The following ESRRB variants were observed in gnomAD, a reference collection of about 807,000 sequenced individuals.
ESRRB encodes estrogen related receptor beta, also known as steroid hormone receptor ERR2.
A neutral mutation model predicts 46.0 loss-of-function variants in ESRRB; 16 were observed. The ratio of observed to expected loss-of-function variants is 0.35; its 90% CI spans 0.24 to 0.53. ESRRB has a LOEUF of 0.53. Ranked by LOEUF, ESRRB falls within the 20% of genes least tolerant of loss-of-function variation. ESRRB has a pLI of 0.93. For synonymous variants in ESRRB, 246 were observed against 259.6 expected (o/e 0.95, Z 0.50); for missense variants, 488 against 607.4 (o/e 0.80, Z 2.07).
At chr14:76,469,528 T>C (rs1889267603) in intron 3 of ESRRB, among the ~76,000 whole-genome samples, 1 of 152,232 alleles carries the variant, frequency 6.6e-6, no homozygotes, top group African/African-American at 2.4e-5. Context: ...ATTAAATTTA[T>C]TTTTTAACTT....
intron 2 of ESRRB, among the ~76,000 whole-genome samples, chr14:76,440,557 ATTCC>A (rs57824686): frequency 6.6e-6 from 1 of 150,944 alleles, no homozygotes; most frequent in Non-Finnish European, 1.5e-5. Context: ...ACCTTCCTTC[ATTCC>A]TTCCTTCCTT....
At chr14:76,377,301 C>T (rs553946597) in intron 1 of ESRRB, among the ~76,000 whole-genome samples, 2 of 152,302 alleles carry the variant, frequency 1.3e-5, no homozygotes, top group Admixed American at 1.3e-4. Flanking sequence ...GCCTAAGCAG[C>T]GGGTGGTCAA....
chr14:76,482,779 G>A lies in ESRRB; in HGVS notation c.850+20G>A. 6 of 1,613,402 alleles carry A rather than the reference G, an allele frequency of 3.7e-6. No homozygotes were observed. The highest frequency in any genetic ancestry group is 4.2e-6 in the Non-Finnish European group (5 of 1,179,914). On this transcript the variant is annotated intron_variant, in intron 5 of 6. Coordinates refer to ENST00000644823, the MANE Select transcript of ESRRB (RefSeq NM_001379180.1). The surrounding 1 kb of genome is among the most constrained non-coding windows in gnomAD (Gnocchi z 4.3). The stretch of plus-strand genomic sequence containing the variant: ...TCCCAGGTGAGCATGTGGGACCAGG[G>A]GAGAGTGTGGCCAGGGACTCTCAGC...
At chr14:76,324,963 C>CTTTTTTTTTTCTTTTTTTTT (rs1883910658) in intron 1 of ESRRB, among the ~76,000 whole-genome samples, 1 of 102,212 alleles carries the variant, frequency 9.8e-6, no homozygotes, top group Non-Finnish European at 2.0e-5. Flanking sequence ...TTTTCTTTTT[C>CTTTTTTTTTTCTTTTTTTTT]TTTTTTTTTT....
chr14:76,332,360 A>G (rs1884023384), intron 1 of ESRRB, among the ~76,000 whole-genome samples: 2 of 144,258 alleles, frequency 1.4e-5, no homozygotes, highest in South Asian at 2.1e-4. Flanking sequence ...GTGCAGTGGC[A>G]CAATCAAAGC....
intron 1 of ESRRB, among the ~76,000 whole-genome samples, chr14:76,408,863 T>G (rs1484292111): frequency 6.6e-6 from 1 of 152,154 alleles, no homozygotes; most frequent in Non-Finnish European, 1.5e-5. Flanking sequence ...TCACTTCCAT[T>G]GAGCGCTTCA....
intron 2 of ESRRB, among the ~76,000 whole-genome samples, chr14:76,460,759 T>C (rs953442342): frequency 3.4e-5 from 5 of 146,470 alleles, no homozygotes; most frequent in Non-Finnish European, 7.4e-5. Flanking sequence ...TGGAGTGCAA[T>C]GGCGCAATCT....
At chr14:76,364,414 C>T (rs1233554291) in intron 1 of ESRRB, among the ~76,000 whole-genome samples, 3 of 152,072 alleles carry the variant, frequency 2.0e-5, no homozygotes, top group Admixed American at 1.3e-4. Flanking sequence ...AGGGGCCAGG[C>T]GCAGTGGCTC....
rs565496100 is a variant in ESRRB, at chr14:76,491,939, C to T, written c.1120+223C>T. Among the ~76,000 whole-genome samples the T allele has an allele frequency of 9.8e-5, 15 of 152,332 alleles. No individual in the cohort carries two copies. The East Asian group carries it at 2.7e-3, about 27-fold the overall frequency. ...GAGCATTTCCTAAGCCTCAGACATC[C>T]AGACTGGCACACTGGCTAAGGACAT... On this transcript the variant is annotated intron_variant, in intron 6 of 6. Transcript: ENST00000644823.
chr14:76,400,624 G>A (rs190043125), intron 1 of ESRRB, among the ~76,000 whole-genome samples: 13 of 152,312 alleles, frequency 8.5e-5, no homozygotes, highest in African/African-American at 1.9e-4. Flanking sequence ...GGTGGTGAAC[G>A]GGAGTGGGAA....
At position 76,482,206 on chromosome 14, in the gene ESRRB, T is replaced by C; in HGVS notation, c.688+80T>C. 2.9e-6 allele frequency: 3 copies of C among 1,030,712 alleles called. No individual in the cohort carries two copies. Among genetic ancestry groups the C allele is most frequent in the Non-Finnish European group, 4.5e-6 (3 of 661,478 alleles). 63.8% of individuals were successfully genotyped at this position (1,030,712 alleles called of 1,614,324 possible). ...AGGCATCCCTTAGGGAAACATCATC[T>C]TCCCACCACTGGGTCATGAGACAAT... On this transcript the variant is annotated intron_variant, in intron 4 of 6. Coordinates refer to ENST00000644823, the MANE Select transcript of ESRRB (RefSeq NM_001379180.1). This position sits in a 1 kb window ranked among gnomAD's most constrained non-coding sequence, Gnocchi z 4.3.
intron 1 of ESRRB, among the ~76,000 whole-genome samples, chr14:76,352,036 G>C (rs1461830278): frequency 6.7e-6 from 1 of 148,638 alleles, no homozygotes; most frequent in Non-Finnish European, 1.5e-5. Flanking sequence ...CAAGTGAACA[G>C]GTTTTTAAGT....
chr14:76,474,994 T>A (rs896592360), intron 3 of ESRRB, among the ~76,000 whole-genome samples: 1 of 151,320 alleles, frequency 6.6e-6, no homozygotes, highest in African/African-American at 2.4e-5. Context: ...TTTGGGAGGC[T>A]GAGGCAGAAG....
Position 76,482,879 on chromosome 14 carries a change from C to T in ESRRB, c.850+120C>T, listed in dbSNP as rs141003068. 2.2e-3 allele frequency: 2,631 copies of T among 1,184,154 alleles called. 8 individuals are homozygous for T. The highest frequency in any genetic ancestry group is 2.5e-3 in the Non-Finnish European group (2,056 of 809,390). 73.4% of individuals were successfully genotyped at this position (1,184,154 alleles called of 1,614,324 possible). ...TGGACCCCAGAAGGCCTGTGAAATC[C>T]TGGCAGGCCTGTTTCTCTGAGCTCC... On this transcript the variant is annotated intron_variant, in intron 5 of 6. Coordinates refer to ENST00000644823, the MANE Select transcript of ESRRB (RefSeq NM_001379180.1). The surrounding 1 kb of genome is among the most constrained non-coding windows in gnomAD (Gnocchi z 4.3).
chr14:76,330,285 G>A (rs1186728569), intron 1 of ESRRB, among the ~76,000 whole-genome samples: 2 of 152,164 alleles, frequency 1.3e-5, no homozygotes, highest in African/African-American at 4.8e-5. Flanking sequence ...CCAGGCTGCT[G>A]TCTTCCCAGG....
At chr14:76,460,486 G>T (rs1888804557) in intron 2 of ESRRB, among the ~76,000 whole-genome samples, 1 of 152,210 alleles carries the variant, frequency 6.6e-6, no homozygotes, top group Admixed American at 6.5e-5. Flanking sequence ...TTCCTCTGAA[G>T]TGGGTAGGGT....
At position 76,482,226 on chromosome 14, in the gene ESRRB, G is replaced by A. The variant is rs1595162534; in HGVS notation, c.688+100G>A. On this transcript the variant is annotated intron_variant, in intron 4 of 6. Coordinates refer to ENST00000644823, the MANE Select transcript of ESRRB (RefSeq NM_001379180.1). The surrounding 1 kb of genome is among the most constrained non-coding windows in gnomAD (Gnocchi z 4.3). ...TCATCTTCCCACCACTGGGTCATGA[G>A]ACAATGTGGATCTTGGGGAGGTGAC... The A allele has an allele frequency of 5.6e-6, 5 of 896,776 alleles. No individual in the cohort carries two copies. Among genetic ancestry groups the A allele is most frequent in the Admixed American group, 1.9e-5 (1 of 52,162 alleles). 55.6% of individuals were successfully genotyped at this position (896,776 alleles called of 1,614,324 possible). A position where few individuals can be genotyped will look rare whatever the true frequency, so the allele number is the denominator to read the frequency against.
intron 1 of ESRRB, among the ~76,000 whole-genome samples, chr14:76,419,934 G>GGATCCC (rs1886869859): frequency 6.6e-6 from 1 of 152,158 alleles, no homozygotes; most frequent in East Asian, 1.9e-4. Context: ...CTGGGATGGA[G>GGATCCC]AGGGTCTGTC....
chr14:76,359,441 A>G (rs946676946), intron 1 of ESRRB, among the ~76,000 whole-genome samples: 1 of 152,258 alleles, frequency 6.6e-6, no homozygotes, highest in Admixed American at 6.5e-5. Flanking sequence ...GCCAGGCACT[A>G]TGCTGAGAAC....
Sources: gnomAD v4.1 joint callset for allele counts (sites outside exome capture counted in the v4.1 genomes callset) on GRCh38, gnomAD v4.1.1 for gene constraint, Gnocchi (gnomAD v3.1) non-coding constraint, MANE v1.5 for transcripts, NCBI Gene and HGNC (gene_info 2026-07-23, HGNC 2026-07-21) for gene names.